Variants in PATJ observed in about 807,000 individuals in gnomAD.
The protein encoded by PATJ is PATJ crumbs cell polarity complex component.
In PATJ, 190 loss-of-function variants were observed where a neutral mutation model predicts 224.9. The ratio of observed to expected loss-of-function variants is 0.84; its 90% CI spans 0.75 to 0.95. PATJ has a LOEUF of 0.95. Among genes scored for constraint, PATJ ranks in the 40% least tolerant of loss-of-function variants. The pLI, the probability that PATJ is intolerant of heterozygous loss-of-function variation, is 0.00. For missense variants in PATJ, 2,121 were observed against 2,270.3 expected (o/e 0.93, Z 1.34); for synonymous variants, 769 against 820.3 (o/e 0.94, Z 1.07).
rs1409859372 is a variant in PATJ, at chr1:62,162,929, A to G, written c.*1875A>G. The G allele has an allele frequency of 5.1e-6, 2 of 389,836 alleles. No homozygotes were observed. Among genetic ancestry groups the G allele is most frequent in the Admixed American group, 6.4e-5 (2 of 31,416 alleles). 24.1% of individuals were successfully genotyped at this position (389,836 alleles called of 1,614,324 possible). A position where few individuals can be genotyped will look rare whatever the true frequency, so the allele number is the denominator to read the frequency against. On this transcript the variant is annotated 3_prime_UTR_variant, in exon 44 of 44. Coordinates refer to ENST00000642238, the MANE Select transcript of PATJ (RefSeq NM_001350145.3). ...GCCACTCCACTCCAGCCTGGGTGAC[A>G]GAGCAAGACTCTGTCTCGAAAAAGA...
intron 27 of PATJ, among the ~76,000 whole-genome samples, chr1:61,970,560 A>T (rs1682828457): frequency 6.6e-6 from 1 of 152,124 alleles, no homozygotes; most frequent in South Asian, 2.1e-4. Flanking sequence ...TGGTGCGATG[A>T]CAGCTCACTG....
chr1:61,835,550 C>T lies in PATJ; in HGVS notation c.2112+1765C>T, dbSNP rs775015857. ...TCTTGAGTAGCTGGGACTACAGGCA[C>T]GCACCACCATGCCCTCCTAACTTTT... On this transcript the variant is annotated intron_variant, in intron 17 of 43. Coordinates refer to ENST00000642238, the MANE Select transcript of PATJ (RefSeq NM_001350145.3). 5.9e-5 allele frequency among the ~76,000 whole-genome samples: 9 copies of T among 152,120 alleles called. No homozygotes were observed. In the South Asian group the frequency reaches 1.0e-3, roughly 18 times the overall value.
chr1:62,021,162 A>G (rs797017681), intron 29 of PATJ, among the ~76,000 whole-genome samples: 38 of 152,068 alleles, frequency 2.5e-4, no homozygotes, highest in African/African-American at 8.7e-4. Flanking sequence ...GGAGGCTAGG[A>G]AGTTTGAGAT....
At chr1:61,835,096 A>G (rs1246127627) in intron 17 of PATJ, among the ~76,000 whole-genome samples, 2 of 152,202 alleles carry the variant, frequency 1.3e-5, no homozygotes, top group Non-Finnish European at 2.9e-5. Context: ...TTTTGCTGGC[A>G]TAGTTCTGTG....
intron 14 of PATJ, among the ~76,000 whole-genome samples, chr1:61,810,807 C>T (rs1312442084): frequency 3.3e-5 from 5 of 151,976 alleles, no homozygotes; most frequent in Admixed American, 2.6e-4. Flanking sequence ...ACCTGTAATC[C>T]TAGCTAGTCA....
At chr1:62,073,913 C>G (rs1657859675) in intron 31 of PATJ, among the ~76,000 whole-genome samples, 2 of 151,978 alleles carry the variant, frequency 1.3e-5, no homozygotes, top group Admixed American at 1.3e-4. Context: ...CTTCAGTGTT[C>G]CTTACATTTG....
intron 27 of PATJ, among the ~76,000 whole-genome samples, chr1:61,989,128 C>G (rs1569715982): frequency 6.6e-6 from 1 of 152,078 alleles, no homozygotes; most frequent in Admixed American, 6.6e-5. Flanking sequence ...CTGCACAGAA[C>G]CAACACAAGT....
At chr1:61,992,481 T>C (rs1031884150) in intron 28 of PATJ, among the ~76,000 whole-genome samples, 4 of 152,200 alleles carry the variant, frequency 2.6e-5, no homozygotes, top group Non-Finnish European at 4.4e-5. Context: ...TTTTTGATGC[T>C]TTAGTCTTCA....
At chr1:61,754,483 T>A (rs995244746) in intron 1 of PATJ, among the ~76,000 whole-genome samples, 1 of 151,148 alleles carries the variant, frequency 6.6e-6, no homozygotes, top group Non-Finnish European at 1.5e-5. Flanking sequence ...CAACTGGAAC[T>A]ACAGCTTTGC....
intron 1 of PATJ, among the ~76,000 whole-genome samples, chr1:61,754,530 T>G (rs1272942219): frequency 6.8e-6 from 1 of 146,266 alleles, no homozygotes; most frequent in Non-Finnish European, 1.5e-5. Context: ...GTTTTTTTTT[T>G]TTTTTTTTTT....
chr1:61,982,584 A>G (rs1644509287), intron 27 of PATJ, among the ~76,000 whole-genome samples: 1 of 152,096 alleles, frequency 6.6e-6, no homozygotes, highest in South Asian at 2.1e-4. Flanking sequence ...TGACCATGTG[A>G]GGATTCTGAC....
At chr1:62,147,528 G>A (rs1668161670) in intron 41 of PATJ, among the ~76,000 whole-genome samples, 1 of 152,166 alleles carries the variant, frequency 6.6e-6, no homozygotes, top group Non-Finnish European at 1.5e-5. Flanking sequence ...GCTGGGCTTG[G>A]TGGCTCACGC....
chr1:62,009,955 C>T (rs898669865), intron 28 of PATJ, among the ~76,000 whole-genome samples: 23 of 151,394 alleles, frequency 1.5e-4, no homozygotes, highest in Admixed American at 9.2e-4. Flanking sequence ...TGGTGGTGGG[C>T]GCCTGTAATC....
intron 28 of PATJ, among the ~76,000 whole-genome samples, chr1:61,991,179 T>C (rs1331374889): frequency 6.8e-6 from 1 of 147,400 alleles, no homozygotes; most frequent in Admixed American, 6.9e-5. Context: ...AAATAAGAAA[T>C]GCAATGATGA....
chr1:62,026,777 T>C (rs1648029586), intron 29 of PATJ, among the ~76,000 whole-genome samples: 1 of 152,206 alleles, frequency 6.6e-6, no homozygotes, highest in South Asian at 2.1e-4. Context: ...CACTTTCACT[T>C]CTTTTCTTGC....
At chr1:62,141,610 G>A (rs1667503936) in intron 41 of PATJ, among the ~76,000 whole-genome samples, 2 of 151,852 alleles carry the variant, frequency 1.3e-5, no homozygotes, top group African/African-American at 4.8e-5. Context: ...GGGAGGTGGA[G>A]GTTACAGTGA....
intron 29 of PATJ, among the ~76,000 whole-genome samples, chr1:62,021,002 T>A (rs1483318492): frequency 1.3e-5 from 2 of 151,876 alleles, no homozygotes; most frequent in Admixed American, 6.6e-5. Context: ...GTTTTTTTTT[T>A]ATTTTTAGTA....
At chr1:61,894,268 A>C (rs879379241) in intron 22 of PATJ, among the ~76,000 whole-genome samples, 3,131 of 144,920 alleles carry the variant, frequency 0.022, 65 homozygotes, top group Non-Finnish European at 0.03. Flanking sequence ...AAAAAAAAAA[A>C]ACACAAAAAA....
At chr1:62,133,146 G>T (rs1406193941) in intron 41 of PATJ, among the ~76,000 whole-genome samples, 1 of 144,646 alleles carries the variant, frequency 6.9e-6, no homozygotes. Flanking sequence ...AGGCATATAA[G>T]AATATTATTT....
Sources: allele counts gnomAD v4.1 joint callset (sites outside exome capture counted in the v4.1 genomes callset), GRCh38; gene constraint gnomAD v4.1.1; transcripts MANE v1.5; gene names NCBI Gene and HGNC (gene_info 2026-07-23, HGNC 2026-07-21).